Variants in RANBP17 observed in about 807,000 individuals in gnomAD.
RANBP17 encodes ran-binding protein 17.
A neutral mutation model predicts 141.2 loss-of-function variants in RANBP17; 158 were observed. The observed-to-expected ratio is 1.12, with a 90% CI of 0.98 to 1.28. The LOEUF (loss-of-function observed/expected upper bound fraction) is 1.28. Among genes scored for constraint, RANBP17 ranks in the 50% most tolerant of loss-of-function variants. RANBP17 has a pLI of 0.00. For synonymous variants in RANBP17, 430 were observed against 450.0 expected (o/e 0.96, Z 0.56); for missense variants, 1,438 against 1,290.7 (o/e 1.11, Z -1.75).
Position 171,095,794 on chromosome 5 carries a change from G to A in RANBP17, c.1711-74336G>A, listed in dbSNP as rs150991349. Among the ~76,000 whole-genome samples the A allele has an allele frequency of 3.8e-3, 572 of 152,198 alleles. 6 individuals are homozygous for A. The highest frequency in any genetic ancestry group is 0.013 in the African/African-American group (542 of 41,540). ...CACCCACACAGTCAAAAATCTGAGC[G>A]TAACTTTAGACTCCCCAAAAACTTA... On this transcript the variant is annotated intron_variant, in intron 14 of 27. Transcript: ENST00000523189.
chr5:170,865,883 C>T (rs2127301057), intron 1 of RANBP17, among the ~76,000 whole-genome samples: 1 of 152,290 alleles, frequency 6.6e-6, no homozygotes, highest in South Asian at 2.1e-4. Context: ...TGACACAGGG[C>T]AACATCTGTG....
At chr5:171,082,615 T>G (rs1019721552) in intron 14 of RANBP17, among the ~76,000 whole-genome samples, 1 of 152,138 alleles carries the variant, frequency 6.6e-6, no homozygotes, top group African/African-American at 2.4e-5. Flanking sequence ...TGCCCCTAAT[T>G]TTCTGGTCAC....
intron 12 of RANBP17, chr5:170,924,807 C>T (rs1438097793): frequency 1.7e-5 from 5 of 300,190 alleles, no homozygotes; most frequent in African/African-American, 1.1e-4. Flanking sequence ...TGATAATGGC[C>T]CTTGAGCAGA....
At chr5:170,921,449 A>C (rs529455072) in intron 11 of RANBP17, among the ~76,000 whole-genome samples, 9 of 151,554 alleles carry the variant, frequency 5.9e-5, no homozygotes, top group East Asian at 5.9e-4. Context: ...TGGTCTATAT[A>C]TCTGTTTTGG....
chr5:170,934,330 T>C (rs1773671707), intron 12 of RANBP17, among the ~76,000 whole-genome samples: 1 of 152,206 alleles, frequency 6.6e-6, no homozygotes, highest in South Asian at 2.1e-4. Context: ...ATGGGTCTCC[T>C]GAATACAGCA....
intron 14 of RANBP17, among the ~76,000 whole-genome samples, chr5:171,080,470 T>C (rs1785199672): frequency 6.6e-6 from 1 of 152,234 alleles, no homozygotes; most frequent in Non-Finnish European, 1.5e-5. Context: ...TGGATTTTAC[T>C]TGGTGATTTG....
intron 14 of RANBP17, among the ~76,000 whole-genome samples, chr5:171,081,314 A>C (rs1179850153): frequency 1.3e-5 from 2 of 152,158 alleles, no homozygotes; most frequent in East Asian, 3.9e-4. Context: ...GAGCTACATC[A>C]TGGTCATTGA....
At chr5:171,049,349 T>A (rs1256995757) in intron 14 of RANBP17, among the ~76,000 whole-genome samples, 1 of 152,192 alleles carries the variant, frequency 6.6e-6, no homozygotes, top group Non-Finnish European at 1.5e-5. Context: ...TTTAAGTTCC[T>A]TATAGATGCT....
chr5:171,266,668 C>T (rs1352421980), intron 25 of RANBP17, among the ~76,000 whole-genome samples: 18 of 152,062 alleles, frequency 1.2e-4, no homozygotes, highest in Admixed American at 1.1e-3. Context: ...AATCCCAGCA[C>T]TTTGGGAGGC....
chr5:171,116,406 G>A (rs1755635464), intron 14 of RANBP17, among the ~76,000 whole-genome samples: 1 of 152,112 alleles, frequency 6.6e-6, no homozygotes, highest in South Asian at 2.1e-4. Context: ...TGGAAGGACG[G>A]GGAGAAGTAT....
At chr5:171,267,239 G>A (rs943428919) in intron 25 of RANBP17, among the ~76,000 whole-genome samples, 14 of 144,602 alleles carry the variant, frequency 9.7e-5, no homozygotes, top group Non-Finnish European at 1.8e-4. Flanking sequence ...GTTTTGCCAC[G>A]TTGCCAGGCT....
intron 18 of RANBP17, among the ~76,000 whole-genome samples, chr5:171,186,356 A>C (rs906000339): frequency 1.3e-5 from 2 of 151,708 alleles, no homozygotes; most frequent in Non-Finnish European, 2.9e-5. Context: ...TTCACCTTGC[A>C]CTCTTAGGTT....
At chr5:171,224,119 T>C (rs1763746623) in intron 22 of RANBP17, among the ~76,000 whole-genome samples, 1 of 152,222 alleles carries the variant, frequency 6.6e-6, no homozygotes, top group African/African-American at 2.4e-5. Flanking sequence ...CAGCCTTCTT[T>C]GGACAGGGGT....
At chr5:171,066,243 A>T (rs245762) in intron 14 of RANBP17, among the ~76,000 whole-genome samples, 1 of 151,874 alleles carries the variant, frequency 6.6e-6, no homozygotes, top group Non-Finnish European at 1.5e-5. Flanking sequence ...CATAGTTACC[A>T]TATTGTACAA....
intron 25 of RANBP17, chr5:171,271,345 G>C (rs1358991324): frequency 4.7e-6 from 1 of 211,816 alleles, no homozygotes; most frequent in Non-Finnish European, 9.6e-6. Flanking sequence ...AGACTGAAAT[G>C]ATATTGCTCA....
At chr5:171,294,903 T>C (rs1381160586) in intron 26 of RANBP17, among the ~76,000 whole-genome samples, 1 of 152,210 alleles carries the variant, frequency 6.6e-6, no homozygotes, top group Non-Finnish European at 1.5e-5. Context: ...CAGTTTAGGA[T>C]GAAAAACTAA....
chr5:171,282,454 A>ATGTTGTTGT (rs11269694), intron 25 of RANBP17, among the ~76,000 whole-genome samples: 4 of 149,448 alleles, frequency 2.7e-5, no homozygotes, highest in African/African-American at 7.4e-5. Context: ...AGAAAGCTGC[A>ATGTTGTTGT]TGTTGTTGTT....
intron 25 of RANBP17, among the ~76,000 whole-genome samples, chr5:171,285,095 C>A (rs894517557): frequency 6.6e-6 from 1 of 152,252 alleles, no homozygotes; most frequent in African/African-American, 2.4e-5. Context: ...GTTCCTCAAA[C>A]ATGCCAAGCT....
chr5:171,297,405 G>C (rs1768884606), intron 27 of RANBP17, among the ~76,000 whole-genome samples: 1 of 152,164 alleles, frequency 6.6e-6, no homozygotes, highest in African/African-American at 2.4e-5. Flanking sequence ...AAAAAGGCCT[G>C]CACCATCCTT....
Sources: gnomAD v4.1 joint callset for allele counts (sites outside exome capture counted in the v4.1 genomes callset) on GRCh38, gnomAD v4.1.1 for gene constraint, MANE v1.5 for transcripts, NCBI Gene and HGNC (gene_info 2026-07-23, HGNC 2026-07-21) for gene names.